TTK: variants seen among roughly 807,000 people sequenced by gnomAD.
TTK encodes dual specificity protein kinase TTK.
Under a neutral mutation model 117.3 loss-of-function variants are expected in TTK, and 59 were observed. The observed-to-expected ratio is 0.50, with a 90% confidence interval of 0.41 to 0.62. TTK has a LOEUF of 0.62. TTK is among the 20% of genes least tolerant of loss of function. The pLI is 0.00. For missense variants in TTK, 921 were observed against 989.4 expected, an observed-to-expected ratio of 0.93 and a Z score of 0.93; for synonymous variants, 302 against 325.0, an observed-to-expected ratio of 0.93 and a Z score of 0.76.
chr6:80,018,977 A>AT (rs778969608), intron 10 of TTK, among the ~76,000 whole-genome samples: 4 of 152,146 alleles, frequency 2.6e-5, no homozygotes, highest in Non-Finnish European at 5.9e-5. Flanking sequence ...CTATTCTGTT[A>AT]TTATGGCAAA....
chr6:80,008,110 A>C, intron 3 of TTK, 79 bp downstream of exon 3: 1 of 1,456,514 alleles, frequency 6.9e-7, no homozygotes, highest in Non-Finnish European at 9.2e-7. Context: ...AATAAAAAAC[A>C]TGGCAGTATT....
Position 80,007,959 on chromosome 6 carries a change from C to T in TTK, c.290C>T (p.Ala97Val), listed in dbSNP as rs2230513. The T allele has an allele frequency of 0.015, 23,463 of 1,613,458 alleles. 211 individuals are homozygous for T. The highest frequency in any genetic ancestry group is 0.018 in the Non-Finnish European group (20,778 of 1,179,622). ...LIGRYSQAIE[A>V]LPPDKYGQNE... ...GGTCGTTACAGTCAAGCAATTGAAG[C>T]GCTTCCCCCAGATAAATATGGCCAA... Residue 97 changes from alanine (A) to valine (V), a missense_variant, in exon 3 of 22, where the codon GCG (alanine) becomes GTG (valine). Ala to Val is a moderately conservative substitution (Grantham distance 64). Transcript: ENST00000369798.
chr6:80,039,736 T>A lies in TTK; in HGVS notation c.2171T>A (p.Leu724Ter). 6.3e-7 allele frequency: 1 copy of A among 1,578,002 alleles called. No homozygotes were observed. The highest frequency in any genetic ancestry group is 8.6e-7 in the Non-Finnish European group (1 of 1,164,406). The part of the protein sequence containing the change: ...KSDVWSLGCI[L>*]YYMTYGKTPF... The stretch of plus-strand genomic sequence containing the variant: ...GATGTTTGGTCCTTAGGATGTATTT[T>A]GTACTATATGACTTACGGGAAAACA... The change falls in exon 19 of 22, where the codon TTG (leucine) becomes TAG (stop). Residue 724 changes from leucine (L) to a stop codon, truncating the protein, a stop_gained. Transcript: ENST00000369798. LOFTEE classifies it high-confidence loss of function.
At chr6:80,041,412 A>G (rs1170998401) in intron 21 of TTK, among the ~76,000 whole-genome samples, 2 of 151,762 alleles carry the variant, frequency 1.3e-5, no homozygotes, top group Non-Finnish European at 3.0e-5. Context: ...TTTATATGAT[A>G]TGAGGTACCT....
At position 80,040,184 on chromosome 6, in the gene TTK, T is replaced by C; in HGVS notation, c.2308-12T>C. On this transcript the variant is annotated splice_polypyrimidine_tract_variant and intron_variant, in intron 19 of 21. Coordinates refer to ENST00000369798, the MANE Select transcript of TTK (RefSeq NM_003318.5). ...GCTTTGTTTTTCTTTTAAAATATCT[T>C]TGTTTTAATAGTGTTGTTTAAAAAG... The C allele has an allele frequency of 6.5e-7, 1 of 1,540,080 alleles. No individual in the cohort carries two copies. Among genetic ancestry groups the C allele is most frequent in the Non-Finnish European group, 8.7e-7 (1 of 1,147,040 alleles).
At position 80,010,927 on chromosome 6, in the gene TTK, C is replaced by T. The variant is rs1276550387; in HGVS notation, c.583C>T (p.Leu195Phe). ...RNLNLQKKQL[L>F]SEEEKKNLSA... ...TTTAAACCTCCAAAAAAAGCAGCTG[C>T]TTTCAGAGGAGGAAAAGAAGAATTT... Residue 195 changes from leucine to phenylalanine, a missense_variant, in exon 5 of 22, where the codon CTT becomes TTT. By Grantham distance (22) the Leu-to-Phe change is conservative (BLOSUM62 0). Coordinates refer to ENST00000369798, the MANE Select transcript of TTK (RefSeq NM_003318.5). 1.7e-5 allele frequency: 27 copies of T among 1,611,792 alleles called. No individual in the cohort carries two copies. Among genetic ancestry groups the T allele is most frequent in the Non-Finnish European group, 2.3e-5 (27 of 1,178,482 alleles).
At chr6:80,022,542 T>C in intron 11 of TTK, 70 bp downstream of exon 11, 1 of 1,473,326 alleles carries the variant, frequency 6.8e-7, no homozygotes, top group Non-Finnish European at 9.2e-7. Context: ...GATGATCATA[T>C]TAAATGTTTT....
chr6:80,031,942 G>A (rs896510511), intron 14 of TTK, among the ~76,000 whole-genome samples: 2 of 152,088 alleles, frequency 1.3e-5, no homozygotes, highest in African/African-American at 4.8e-5. Flanking sequence ...TTTACTAATG[G>A]ATTTTGTTTT....
At chr6:80,038,100 C>T in intron 18 of TTK, 53 bp downstream of exon 18, 1 of 1,335,738 alleles carries the variant, frequency 7.5e-7, no homozygotes, top group Non-Finnish European at 1.1e-6. Context: ...AGGGAATGCA[C>T]TATTTTCTGA....
chr6:80,007,938 G>A lies in TTK; in HGVS notation c.269G>A (p.Arg90His), dbSNP rs376160183. Reference protein sequence around the residue: ...SDALLNKLIGRYSQAIEALPP... With the variant: ...SDALLNKLIGHYSQAIEALPP... ...GCTCTTTTAAATAAATTGATTGGTCGTTACAGTCAAGCAATTGAAGCGCTT... is the reference window on the plus strand; with the variant it reads ...GCTCTTTTAAATAAATTGATTGGTCATTACAGTCAAGCAATTGAAGCGCTT... The change falls in exon 3 of 22, where the codon CGT becomes CAT. Residue 90 changes from arginine (R) to histidine (H), a missense_variant. Coordinates refer to ENST00000369798, the MANE Select transcript of TTK (RefSeq NM_003318.5). 2.7e-5 allele frequency: 43 copies of A among 1,613,430 alleles called. No homozygotes were observed. Among genetic ancestry groups the A allele is most frequent in the Middle Eastern group, 1.6e-4 (1 of 6,078 alleles).
intron 11 of TTK, among the ~76,000 whole-genome samples, chr6:80,024,388 G>A (rs1346451721): frequency 6.6e-6 from 1 of 152,054 alleles, no homozygotes; most frequent in Non-Finnish European, 1.5e-5. Flanking sequence ...AAGAAAATGT[G>A]GTACATCCAT....
intron 10 of TTK, 99 bp from the exon 11 acceptor site, chr6:80,022,225 A>G (rs1739248968): frequency 7.9e-7 from 1 of 1,272,542 alleles, no homozygotes. Context: ...GTTTTTAAGA[A>G]CTAAATACTC....
chr6:80,028,159 A>G, intron 13 of TTK, 148 bp downstream of exon 13: 1 of 848,906 alleles, frequency 1.2e-6, no homozygotes. Flanking sequence ...TATTCTAATA[A>G]GAGTGTGCCT....
At position 80,039,696 on chromosome 6, in the gene TTK, A is replaced by C; in HGVS notation, c.2131A>C (p.Ile711Leu). The change falls in exon 19 of 22, where the codon ATA becomes CTA. Residue 711 changes from isoleucine (I) to leucine (L), a missense_variant and splice_region_variant. Transcript: ENST00000369798. ...TTGTGTTTGTTTGTTTTTTTCTTAG[A>C]TAAGCCCCAAAAGTGATGTTTGGTC... ...SRENGKSKSK[I>L]SPKSDVWSLG... The C allele has an allele frequency of 6.7e-7, 1 of 1,496,304 alleles. No homozygotes were observed. The highest frequency in any genetic ancestry group is 8.9e-7 in the Non-Finnish European group (1 of 1,128,434). The allele number at this position is 1,496,304 out of a possible 1,614,324, so 92.7% of individuals were successfully genotyped here.
intron 14 of TTK, among the ~76,000 whole-genome samples, chr6:80,034,616 CT>C (rs1304681321): frequency 1.3e-5 from 2 of 152,192 alleles, no homozygotes; most frequent in African/African-American, 4.8e-5. Flanking sequence ...GAGCAAACTA[CT>C]GCACCAGGCT....
chr6:80,027,928 C>A lies in TTK; in HGVS notation c.1438C>A (p.Gln480Lys). ...AAAGAATGACTTTCCACCTGCTTGT[C>A]AGTTGTCAACACCTTATGGCCAACC... The part of the protein sequence containing the change: ...VVKNDFPPAC[Q>K]LSTPYGQPAC... Residue 480 changes from glutamine to lysine, a missense_variant, in exon 13 of 22, where the codon CAG becomes AAG. Coordinates refer to ENST00000369798, the MANE Select transcript of TTK (RefSeq NM_003318.5). 1 of 1,607,672 alleles carries A rather than the reference C, an allele frequency of 6.2e-7. No homozygotes were observed. Among genetic ancestry groups the A allele is most frequent in the Non-Finnish European group, 8.5e-7 (1 of 1,176,274 alleles).
At chr6:80,029,711 G>T (rs1011504122) in intron 13 of TTK, among the ~76,000 whole-genome samples, 2 of 152,190 alleles carry the variant, frequency 1.3e-5, no homozygotes, top group Non-Finnish European at 2.9e-5. Flanking sequence ...GGGAAGCTTT[G>T]GAAGAGGTTG....
chr6:80,021,381 G>T (rs1767454602), intron 10 of TTK, among the ~76,000 whole-genome samples: 1 of 152,170 alleles, frequency 6.6e-6, no homozygotes, highest in Non-Finnish European at 1.5e-5. Context: ...CCACTTGTTG[G>T]AAACCAGGCG....
chr6:80,010,778 C>A, intron 4 of TTK, 36 bp from the exon 5 acceptor site: 1 of 1,034,162 alleles, frequency 9.7e-7, no homozygotes. Flanking sequence ...GGGCATTTTA[C>A]TGCCTAAAAA....
Sources: gnomAD v4.1 joint callset for allele counts (sites outside exome capture counted in the v4.1 genomes callset) on GRCh38, gnomAD v4.1.1 for gene constraint, MANE v1.5 for transcripts, NCBI Gene and HGNC (gene_info 2026-07-23, HGNC 2026-07-21) for gene names.